DNMBP: variants seen among roughly 807,000 people sequenced by gnomAD.
DNMBP encodes the protein dynamin-binding protein.
A neutral mutation model predicts 150.0 loss-of-function variants in DNMBP; 87 were observed. That is an observed-to-expected ratio of 0.58 (90% CI 0.49 to 0.69). DNMBP has a LOEUF of 0.69. DNMBP is among the 30% of genes least tolerant of loss of function. The pLI, the probability that DNMBP is intolerant of heterozygous loss-of-function variation, is 0.00. For synonymous variants in DNMBP, 711 were observed against 750.4 expected (o/e 0.95, Z 0.86); for missense variants, 1,774 against 1,949.0 (o/e 0.91, Z 1.69).
intron 10 of DNMBP, 54 bp from the exon 11 acceptor site, chr10:99,895,104 A>C: frequency 6.1e-6 from 6 of 984,824 alleles, no homozygotes; most frequent in Non-Finnish European, 8.9e-6. Context: ...CTTTAATCTT[A>C]CTGGCAAAAG....
chr10:99,947,846 A>G (rs1237207065), intron 4 of DNMBP, among the ~76,000 whole-genome samples: 1 of 152,198 alleles, frequency 6.6e-6, no homozygotes, highest in East Asian at 1.9e-4. Flanking sequence ...TTAATGTTTT[A>G]CATTATCACA....
intron 4 of DNMBP, among the ~76,000 whole-genome samples, chr10:99,911,848 TTATTTC>T (rs1324091681): frequency 1.3e-5 from 2 of 152,200 alleles, no homozygotes; most frequent in African/African-American, 4.8e-5. Context: ...CATATAAAAT[TTATTTC>T]TAATAGGCTT....
At chr10:99,891,406 C>T (rs1486210627) in intron 11 of DNMBP, among the ~76,000 whole-genome samples, 12 of 151,670 alleles carry the variant, frequency 7.9e-5, no homozygotes, top group Non-Finnish European at 1.2e-4. Context: ...AGCCCCTAAC[C>T]GCGAGTGATC....
chr10:99,898,837 A>G, intron 7 of DNMBP, 77 bp from the exon 8 acceptor site: 2 of 1,359,544 alleles, frequency 1.5e-6, no homozygotes, highest in Non-Finnish European at 2.1e-6. Context: ...TTTTCTCAGA[A>G]CATAAATCAT....
At chr10:99,992,599 T>A (rs1343113453) in intron 1 of DNMBP, among the ~76,000 whole-genome samples, 1 of 148,800 alleles carries the variant, frequency 6.7e-6, no homozygotes, top group African/African-American at 2.5e-5. Flanking sequence ...TGATCTCGGC[T>A]CACTGCAAGC....
At chr10:99,941,281 T>C (rs1023959141) in intron 4 of DNMBP, among the ~76,000 whole-genome samples, 1 of 152,196 alleles carries the variant, frequency 6.6e-6, no homozygotes, top group Non-Finnish European at 1.5e-5. Flanking sequence ...GTCTTCCATA[T>C]TCCTAAAGAT....
rs760685767 is a variant in DNMBP at position 100,005,764 on chromosome 10, CAAAAAA to C, written c.-11+4068_-11+4073del. ...GTGAGACTCTTGTCTCAAAAGTCTCCAAAAAAAAAAAAAAAAAAAACCAAACTACAT... is the reference window on the plus strand; with the variant it reads ...GTGAGACTCTTGTCTCAAAAGTCTCCAAAAAAAAAAAAAACCAAACTACAT... On this transcript the variant is annotated intron_variant, in intron 1 of 16. Coordinates refer to ENST00000324109, the MANE Select transcript of DNMBP (RefSeq NM_015221.4). 7.9e-5 allele frequency among the ~76,000 whole-genome samples: 3 copies of C among 37,996 alleles called. No individual in the cohort carries two copies. The South Asian group carries it at 3.3e-3, about 42-fold the overall frequency. 24.9% of individuals were successfully genotyped at this position (37,996 alleles called of 152,430 possible).
At chr10:99,993,336 G>A (rs2040917734) in intron 1 of DNMBP, among the ~76,000 whole-genome samples, 1 of 152,158 alleles carries the variant, frequency 6.6e-6, no homozygotes, top group Non-Finnish European at 1.5e-5. Flanking sequence ...TCTTTTGGGG[G>A]TAATGAAAAT....
At chr10:99,949,501 G>A (rs2040396136) in intron 4 of DNMBP, among the ~76,000 whole-genome samples, 1 of 152,044 alleles carries the variant, frequency 6.6e-6, no homozygotes, top group Non-Finnish European at 1.5e-5. Context: ...TTATATTGTT[G>A]GATACACCTT....
intron 4 of DNMBP, among the ~76,000 whole-genome samples, chr10:99,910,519 G>A (rs1344605730): frequency 6.6e-6 from 1 of 152,084 alleles, no homozygotes; most frequent in Non-Finnish European, 1.5e-5. Flanking sequence ...CTCCAGACTG[G>A]GTGACAGAGA....
chr10:99,918,692 G>A (rs576551628), intron 4 of DNMBP, among the ~76,000 whole-genome samples: 2 of 150,928 alleles, frequency 1.3e-5, no homozygotes, highest in Non-Finnish European at 2.9e-5. Context: ...TTAGCCTCCC[G>A]AGTAGCTGGG....
chr10:99,930,147 T>C (rs1039861955), intron 4 of DNMBP: 1 of 702,924 alleles, frequency 1.4e-6, no homozygotes, highest in Non-Finnish European at 2.6e-6. Flanking sequence ...CCCAGGAACA[T>C]GATATAAATT....
intron 4 of DNMBP, among the ~76,000 whole-genome samples, chr10:99,922,473 G>A (rs2040032653): frequency 6.7e-6 from 1 of 148,956 alleles, no homozygotes; most frequent in Non-Finnish European, 1.5e-5. Flanking sequence ...TAATGGCTTG[G>A]GAAGAAAACA....
At chr10:100,004,827 A>C (rs7902856) in intron 1 of DNMBP, among the ~76,000 whole-genome samples, 68,559 of 152,036 alleles carry the variant, frequency 0.45, 16,100 homozygotes, top group African/African-American at 0.57. Context: ...GATTTGATCA[A>C]CAGATGTCAA....
rs948509168 is a variant in DNMBP at position 99,876,284 on chromosome 10, T to C, written c.*867A>G. ...TGTAAAGACCATCAGAAAGGTGTCA[T>C]TGAGGTTGCGGTATGGTGGCTTACA... On this transcript the variant is annotated 3_prime_UTR_variant, in exon 17 of 17. Transcript: ENST00000324109. 3.9e-5 allele frequency: 6 copies of C among 152,106 alleles called. No individual in the cohort carries two copies. Among genetic ancestry groups the C allele is most frequent in the South Asian group, 2.1e-4 (1 of 4,808 alleles). The allele number at this position is 152,106 out of a possible 1,614,324, so 9.4% of individuals were successfully genotyped here. A position where few individuals can be genotyped will look rare whatever the true frequency, so the allele number is the denominator to read the frequency against.
At chr10:99,973,746 A>C (rs529985182) in intron 1 of DNMBP, among the ~76,000 whole-genome samples, 1 of 152,324 alleles carries the variant, frequency 6.6e-6, no homozygotes, top group South Asian at 2.1e-4. Flanking sequence ...TTGCGAGGCC[A>C]AGGCGGGCAG....
At chr10:99,903,841 C>G (rs1475228079) in intron 6 of DNMBP, among the ~76,000 whole-genome samples, 1 of 152,174 alleles carries the variant, frequency 6.6e-6, no homozygotes, top group Non-Finnish European at 1.5e-5. Context: ...CAAAGCTACA[C>G]CTATAATCTC....
chr10:99,880,352 C>A lies in DNMBP; in HGVS notation c.4007G>T (p.Gly1336Val), dbSNP rs569455301. The change falls in exon 16 of 17, where the codon GGC becomes GTC. Residue 1336 changes from glycine (G) to valine (V), a missense_variant. This residue lies in a region of DNMBP where 1,430 missense variants were observed against 1,492.5 expected (regional missense o/e 0.96). Transcript: ENST00000324109. ...CTTTAGGAAAGAGCTGTACACGAAG[C>A]CTTTGGTGACTACAAAGGAAACAGG... ...RWLIDNGVTK[G>V]FVYSSFLKPY... The A allele has an allele frequency of 1.9e-6, 3 of 1,586,140 alleles. No homozygotes were observed. The highest frequency in any genetic ancestry group is 2.6e-6 in the Non-Finnish European group (3 of 1,166,642).
intron 1 of DNMBP, among the ~76,000 whole-genome samples, chr10:99,983,999 AAGAC>A (rs1023854110): frequency 3.3e-5 from 5 of 152,178 alleles, no homozygotes; most frequent in African/African-American, 7.2e-5. Flanking sequence ...TGTTTTACGA[AAGAC>A]AGAATTTAAA....
Sources: allele counts gnomAD v4.1 joint callset (sites outside exome capture counted in the v4.1 genomes callset), GRCh38; gene constraint gnomAD v4.1.1; regional missense constraint gnomAD v4.1.1; transcripts MANE v1.5; gene names NCBI Gene and HGNC (gene_info 2026-07-23, HGNC 2026-07-21).